TXLNA: variants seen among roughly 807,000 people sequenced by gnomAD.
TXLNA encodes alpha-taxilin.
A neutral mutation model predicts 61.4 loss-of-function variants in TXLNA; 9 were observed. That is an observed-to-expected ratio of 0.15 (90% CI 0.09 to 0.26). The LOEUF (loss-of-function observed/expected upper bound fraction) is 0.26, where lower values mean the gene tolerates loss of function less well. Among genes scored for constraint, TXLNA ranks in the 10% least tolerant of loss-of-function variants. TXLNA has a pLI of 1.00. For missense variants in TXLNA, 565 were observed against 688.8 expected, an observed-to-expected ratio of 0.82 and a Z score of 2.01; for synonymous variants, 257 against 267.7, an observed-to-expected ratio of 0.96 and a Z score of 0.39.
rs982829510 is a variant in TXLNA at position 32,197,630 on chromosome 1, C to A, written c.*2435C>A. 1.3e-5 allele frequency: 2 copies of A among 152,284 alleles called. No individual in the cohort carries two copies. Among genetic ancestry groups the A allele is most frequent in the African/African-American group, 4.8e-5 (2 of 41,468 alleles). The allele number at this position is 152,284 out of a possible 1,614,324, so 9.4% of individuals were successfully genotyped here. A position where few individuals can be genotyped will look rare whatever the true frequency, so the allele number is the denominator to read the frequency against. On this transcript the variant is annotated 3_prime_UTR_variant, in exon 11 of 11. Transcript: ENST00000373610. The surrounding 1 kb of genome is among the most constrained non-coding windows in gnomAD (Gnocchi z 4.6). The stretch of plus-strand genomic sequence containing the variant: ...GTCTTCCTCACCTGGGTGGGTCCCA[C>A]ACTTGTGACCTCAGTTTTAGGACCA...
intron 4 of TXLNA, among the ~76,000 whole-genome samples, chr1:32,185,368 A>G (rs766372598): frequency 9.4e-5 from 14 of 149,044 alleles, no homozygotes; most frequent in Admixed American, 2.0e-4. Context: ...GTATGTATGT[A>G]TGTATGTATG....
chr1:32,180,553 G>T, intron 2 of TXLNA, 39 bp downstream of exon 2: 2 of 1,551,620 alleles, frequency 1.3e-6, no homozygotes, highest in South Asian at 1.2e-5. Context: ...GCAGGGGGAG[G>T]AGCTGTGGGG....
In TXLNA at chr1:32,180,465, A is replaced by G. The variant is rs76778931; in HGVS notation, c.120A>G (p.Ala40=). The change falls in exon 2 of 11, where the codon GCA becomes GCG. Residue 40 remains alanine (A), a synonymous_variant. Transcript: ENST00000373610. ...AGCGGCCCAGCCAGGCGGCTCCTGC[A>G]GTAGAAGCAGAAGGTCCCGGCAGCA... ...AQERPSQAAP[A]VEAEGPGSSQ... 2.1e-4 allele frequency: 338 copies of G among 1,612,300 alleles called. No individual in the cohort carries two copies. The African/African-American group carries it at 4.1e-3, about 20-fold the overall frequency.
At chr1:32,181,897 C>G (rs994271035) in intron 3 of TXLNA, among the ~76,000 whole-genome samples, 1 of 152,060 alleles carries the variant, frequency 6.6e-6, no homozygotes, top group African/African-American at 2.4e-5. Context: ...TTGGGTGTGT[C>G]CCTTCTCCTC....
chr1:32,182,892 C>T (rs1642697557), intron 3 of TXLNA, among the ~76,000 whole-genome samples: 1 of 151,132 alleles, frequency 6.6e-6, no homozygotes, highest in Non-Finnish European at 1.5e-5. Flanking sequence ...ATGGTGAAAC[C>T]CCAGTTCTAC....
chr1:32,191,875 C>G (rs764091277), intron 6 of TXLNA, among the ~76,000 whole-genome samples: 4 of 152,234 alleles, frequency 2.6e-5, no homozygotes, highest in Non-Finnish European at 5.9e-5. Context: ...CTTGGGGATG[C>G]ACATGTCTAG....
chr1:32,194,735 G>A (rs1436166624), intron 10 of TXLNA, among the ~76,000 whole-genome samples, 167 bp from the exon 11 acceptor site: 1 of 152,100 alleles, frequency 6.6e-6, no homozygotes, highest in Non-Finnish European at 1.5e-5. Context: ...GCACCATGCT[G>A]CCCCACCTGA....
At position 32,191,176 on chromosome 1, in the gene TXLNA, C is replaced by G. The variant is rs1479230913; in HGVS notation, c.963+927C>G. 3.3e-5 allele frequency among the ~76,000 whole-genome samples: 5 copies of G among 151,272 alleles called. 1 individual carries two copies. Among genetic ancestry groups the G allele is most frequent in the Non-Finnish European group, 7.4e-5 (5 of 67,834 alleles). The stretch of plus-strand genomic sequence containing the variant: ...ACCCCAGGCACTTGAATCTTTGGAT[C>G]TTCCCTGCCAGTCACCTGGCTGTTC... On this transcript the variant is annotated intron_variant, in intron 6 of 10. Transcript: ENST00000373610.
chr1:32,184,173 C>T (rs1446040232), intron 3 of TXLNA, among the ~76,000 whole-genome samples: 1 of 152,198 alleles, frequency 6.6e-6, no homozygotes, highest in Non-Finnish European at 1.5e-5. Flanking sequence ...TGCATTGAAA[C>T]AGTATGAAAC....
At position 32,195,971 on chromosome 1, in the gene TXLNA, CTT is replaced by C. The variant is rs1643013494; in HGVS notation, c.*780_*781del. On this transcript the variant is annotated 3_prime_UTR_variant, in exon 11 of 11. Transcript: ENST00000373610. The stretch of plus-strand genomic sequence containing the variant: ...TCTGAAGGTGTTTTTTTCTTTATTT[CTT>C]TTTCTTTTTTTTTTTTTTTCTTTTT... 6.0e-6 allele frequency: 1 copy of C among 167,004 alleles called. No homozygotes were observed. The allele number at this position is 167,004 out of a possible 1,614,324, so 10.3% of individuals were successfully genotyped here. A position where few individuals can be genotyped will look rare whatever the true frequency, so the allele number is the denominator to read the frequency against.
intron 6 of TXLNA, among the ~76,000 whole-genome samples, chr1:32,191,705 C>T (rs1423766544): frequency 6.6e-6 from 1 of 152,166 alleles, no homozygotes; most frequent in Non-Finnish European, 1.5e-5. Context: ...AGGCACCTTC[C>T]CTTCCCCATC....
In TXLNA at chr1:32,180,197, C is replaced by A. The variant is rs1225668378; in HGVS notation, c.-32-117C>A. 3 of 1,135,636 alleles carry A rather than the reference C, an allele frequency of 2.6e-6. No homozygotes were observed. The South Asian group carries it at 5.3e-5, about 20-fold the overall frequency. 70.3% of individuals were successfully genotyped at this position (1,135,636 alleles called of 1,614,324 possible). A position where few individuals can be genotyped will look rare whatever the true frequency, so the allele number is the denominator to read the frequency against. On this transcript the variant is annotated intron_variant, in intron 1 of 10. Transcript: ENST00000373610. ...CCAGAGAGCCGTTGGCGCCCTCCGC[C>A]CGGGCCTGCCGGTCCGTTTATTTTA...
intron 4 of TXLNA, among the ~76,000 whole-genome samples, chr1:32,185,270 TG>T: frequency 6.6e-6 from 1 of 152,292 alleles, no homozygotes; most frequent in South Asian, 2.1e-4. Flanking sequence ...TTCAGTGGGT[TG>T]GGGGTGGGGC....
intron 5 of TXLNA, among the ~76,000 whole-genome samples, chr1:32,189,631 G>T (rs748377910): frequency 6.6e-6 from 1 of 150,758 alleles, no homozygotes; most frequent in African/African-American, 2.4e-5. Flanking sequence ...CACAACCTCC[G>T]CCTCCCAGGT....
chr1:32,183,384 A>G (rs1156843317), intron 3 of TXLNA, among the ~76,000 whole-genome samples: 2 of 149,224 alleles, frequency 1.3e-5, no homozygotes, highest in Non-Finnish European at 3.0e-5. Flanking sequence ...TGGGCCTCCC[A>G]AAGTGCTGGG....
chr1:32,184,840 C>T (rs1642745742), intron 4 of TXLNA, among the ~76,000 whole-genome samples: 1 of 152,200 alleles, frequency 6.6e-6, no homozygotes, highest in African/African-American at 2.4e-5. Context: ...AGAATGATTC[C>T]AAGGTGGTAG....
Position 32,181,471 on chromosome 1 carries a change from G to T in TXLNA, c.399G>T (p.Lys133Asn). ...PEPTPVVNGEKEPSKGDPNTE... is the reference protein window; with the variant it reads ...PEPTPVVNGENEPSKGDPNTE... ...CAACTCCAGTAGTCAATGGAGAGAA[G>T]GAACCCTCCAAGGGGGATCCAAACA... The change falls in exon 3 of 11, where the codon AAG becomes AAT. Residue 133 changes from lysine (K) to asparagine (N), a missense_variant. Physicochemically the swap from Lys to Asn is moderately conservative, Grantham distance 94 (BLOSUM62 0). Transcript: ENST00000373610. 6.2e-7 allele frequency: 1 copy of T among 1,613,492 alleles called. No homozygotes were observed. Among genetic ancestry groups the T allele is most frequent in the South Asian group, 1.1e-5 (1 of 90,948 alleles).
rs1176108648 is a variant in TXLNA at position 32,192,819 on chromosome 1, G to A, written c.1158+88G>A. The A allele has an allele frequency of 1.2e-5, 16 of 1,367,408 alleles. No individual in the cohort carries two copies. The South Asian group carries it at 1.8e-4, about 15-fold the overall frequency. 84.7% of individuals were successfully genotyped at this position (1,367,408 alleles called of 1,614,324 possible). On this transcript the variant is annotated intron_variant, in intron 8 of 10. Transcript: ENST00000373610. The surrounding 1 kb of genome is among the most constrained non-coding windows in gnomAD (Gnocchi z 4.2). ...TAGTGAAATGGGACCCTCATTCTAG[G>A]ACTGGCTGTGTCCTGGCTGCTATGA... is the stretch of plus-strand genomic sequence containing the variant.
Position 32,181,283 on chromosome 1 carries a change from GTC to G in TXLNA, c.215_216del (p.Ser72Ter). The G allele has an allele frequency of 6.2e-7, 1 of 1,611,206 alleles. No individual in the cohort carries two copies. The highest frequency in any genetic ancestry group is 8.5e-7 in the Non-Finnish European group (1 of 1,177,788). On this transcript the variant is annotated frameshift_variant, in exon 3 of 11. Coordinates refer to ENST00000373610, the MANE Select transcript of TXLNA (RefSeq NM_175852.4). LOFTEE classifies it high-confidence loss of function. ...RTAQSGALRD[V>X]SEELSRQLED... ...GGCTCAGTCTGGGGCCCTTCGTGAT[GTC>G]TCTGAGGAGCTGAGCCGCCAACTGG...
Sources: allele counts gnomAD v4.1 joint callset (sites outside exome capture counted in the v4.1 genomes callset), GRCh38; gene constraint gnomAD v4.1.1; non-coding constraint Gnocchi (gnomAD v3.1); transcripts MANE v1.5; gene names NCBI Gene and HGNC (gene_info 2026-07-23, HGNC 2026-07-21).